NCAM1: variants seen among roughly 807,000 people sequenced by gnomAD.
The protein encoded by NCAM1 is antigen recognized by monoclonal antibody 5.1H11.
NCAM1 carries 14 observed loss-of-function variants against 109.8 expected under a neutral mutation model. The observed-to-expected ratio is 0.13, with a 90% CI of 0.08 to 0.20. The LOEUF is 0.20. NCAM1 is among the 10% of genes least tolerant of loss of function. NCAM1 has a pLI of 1.00. For synonymous variants in NCAM1, 418 were observed against 442.9 expected (o/e 0.94, Z 0.70); for missense variants, 774 against 1,109.9 (o/e 0.70, Z 4.30).
chr11:112,995,856 G>A (rs1199161820), intron 1 of NCAM1, among the ~76,000 whole-genome samples: 1 of 152,162 alleles, frequency 6.6e-6, no homozygotes, highest in Non-Finnish European at 1.5e-5. Flanking sequence ...GTCTGTTTCT[G>A]TTTGGCTAGT....
intron 1 of NCAM1, among the ~76,000 whole-genome samples, chr11:113,159,952 C>T (rs1455399009): frequency 1.3e-5 from 2 of 149,102 alleles, no homozygotes; most frequent in African/African-American, 5.0e-5. Flanking sequence ...TGATTTGTAA[C>T]ATATCATTAC....
intron 14 of NCAM1, among the ~76,000 whole-genome samples, chr11:113,236,732 C>T (rs1945179931): frequency 6.6e-6 from 1 of 152,118 alleles, no homozygotes; most frequent in South Asian, 2.1e-4. Context: ...ATTCAAAACA[C>T]CTTGAAAGGA....
At chr11:113,258,462 T>C (rs1945886748) in intron 16 of NCAM1, among the ~76,000 whole-genome samples, 1 of 152,166 alleles carries the variant, frequency 6.6e-6, no homozygotes, top group South Asian at 2.1e-4. Context: ...GTCCAACAGA[T>C]GTTTGCTGAG....
intron 1 of NCAM1, among the ~76,000 whole-genome samples, chr11:113,168,831 G>T (rs139502168): frequency 2.0e-5 from 3 of 152,208 alleles, no homozygotes; most frequent in Non-Finnish European, 4.4e-5. Context: ...AGCTTGTGTG[G>T]GGTTGGGGAG....
At chr11:112,970,216 G>A (rs1950840961) in intron 1 of NCAM1, among the ~76,000 whole-genome samples, 1 of 152,150 alleles carries the variant, frequency 6.6e-6, no homozygotes, top group African/African-American at 2.4e-5. Context: ...ATGTTTAAGA[G>A]GATAGTTAAC....
In NCAM1 at chr11:112,976,177, G is replaced by T. The variant is rs1005980405; in HGVS notation, c.52+14513G>T. 8.6e-5 allele frequency among the ~76,000 whole-genome samples: 13 copies of T among 151,962 alleles called. No individual in the cohort carries two copies. In the South Asian group the frequency reaches 2.7e-3, roughly 32 times the overall value. On this transcript the variant is annotated intron_variant, in intron 1 of 19. Transcript: ENST00000316851. The stretch of plus-strand genomic sequence containing the variant: ...TTAAGAAAACATAAATTATAAATAT[G>T]TGCAGTTATTTTAACAATTTATGAA...
intron 1 of NCAM1, among the ~76,000 whole-genome samples, chr11:113,201,742 A>G (rs1285290167): frequency 6.6e-6 from 1 of 152,208 alleles, no homozygotes; most frequent in Non-Finnish European, 1.5e-5. Flanking sequence ...AGGGTGTCTG[A>G]CTAATTGGGG....
chr11:113,156,663 C>T (rs185437896), intron 1 of NCAM1, among the ~76,000 whole-genome samples: 98 of 152,100 alleles, frequency 6.4e-4, no homozygotes, highest in Middle Eastern at 3.4e-3. Context: ...AGTAGAAAGA[C>T]GAGAATTTTT....
chr11:113,231,300 A>G (rs886347579), intron 9 of NCAM1: 125 of 1,534,750 alleles, frequency 8.1e-5, no homozygotes, highest in Non-Finnish European at 1.1e-4. Context: ...TGCTGCTGCA[A>G]TATCTGCTGG....
rs1555115253 is a variant in NCAM1 at position 113,221,282 on chromosome 11, C to T, written c.1060-14C>T. 1 of 1,558,058 alleles carries T rather than the reference C, an allele frequency of 6.4e-7. No homozygotes were observed. Among genetic ancestry groups the T allele is most frequent in the Admixed American group, 1.9e-5 (1 of 51,570 alleles). On this transcript the variant is annotated splice_polypyrimidine_tract_variant and intron_variant, in intron 8 of 19. Transcript: ENST00000316851. ...ACTGCTTTCTTGTTGTGTTTTATATCTTGTTTTCTCCAGGCTTCGTGGACT... is the reference window on the plus strand; with the variant it reads ...ACTGCTTTCTTGTTGTGTTTTATATTTTGTTTTCTCCAGGCTTCGTGGACT...
chr11:113,144,149 T>C (rs1273472732), intron 1 of NCAM1, among the ~76,000 whole-genome samples: 1 of 152,208 alleles, frequency 6.6e-6, no homozygotes, highest in African/African-American at 2.4e-5. Flanking sequence ...TGGTTTCTAA[T>C]CTGTAAATAA....
In NCAM1 at chr11:113,013,136, G is replaced by A. The variant is rs545875668; in HGVS notation, c.52+51472G>A. Among the ~76,000 whole-genome samples, 8 of 150,534 alleles carry A rather than the reference G, an allele frequency of 5.3e-5. No homozygotes were observed. In the East Asian group the frequency reaches 1.6e-3, roughly 30 times the overall value. ...TCATAATAAAAACATTTTTTAAGAA[G>A]CAAAAGAAGGCGGGGTGCAGAGGCT... On this transcript the variant is annotated intron_variant, in intron 1 of 19. Coordinates refer to ENST00000316851, the MANE Select transcript of NCAM1 (RefSeq NM_181351.5).
Position 112,961,432 on chromosome 11 carries a change from A to T in NCAM1, c.-181A>T. ...GGCTGGGACTGTCACTCATTCTCCG[A>T]TCAGCGCGTGAACGCAGCTCGGCTG... On this transcript the variant is annotated 5_prime_UTR_variant, in exon 1 of 20. Coordinates refer to ENST00000316851, the MANE Select transcript of NCAM1 (RefSeq NM_181351.5). 1 of 763,724 alleles carries T rather than the reference A, an allele frequency of 1.3e-6. No individual in the cohort carries two copies. Among genetic ancestry groups the T allele is most frequent in the East Asian group, 2.5e-5 (1 of 40,726 alleles). 47.3% of individuals were successfully genotyped at this position (763,724 alleles called of 1,614,324 possible).
In NCAM1 at chr11:113,278,433, G is replaced by A. The variant is rs1428817396; in HGVS notation, c.*3046G>A. On this transcript the variant is annotated 3_prime_UTR_variant, in exon 20 of 20. Transcript: ENST00000316851. ...GTTCAATAAAAATTGAAAGAAAAAAGCTATTATGATCATACTGGGGTTTAT... is the reference window on the plus strand; with the variant it reads ...GTTCAATAAAAATTGAAAGAAAAAAACTATTATGATCATACTGGGGTTTAT... 1 of 152,162 alleles carries A rather than the reference G, an allele frequency of 6.6e-6. No homozygotes were observed. The highest frequency in any genetic ancestry group is 2.4e-5 in the African/African-American group (1 of 41,434). 9.4% of individuals were successfully genotyped at this position (152,162 alleles called of 1,614,324 possible). A position where few individuals can be genotyped will look rare whatever the true frequency, so the allele number is the denominator to read the frequency against.
At chr11:113,041,823 A>G (rs1953086577) in intron 1 of NCAM1, among the ~76,000 whole-genome samples, 1 of 150,998 alleles carries the variant, frequency 6.6e-6, no homozygotes, top group Non-Finnish European at 1.5e-5. Context: ...AATCCTCCCC[A>G]CTCTTCCCCA....
chr11:113,224,872 C>T (rs1356644773), intron 9 of NCAM1, among the ~76,000 whole-genome samples: 1 of 152,214 alleles, frequency 6.6e-6, no homozygotes, highest in Non-Finnish European at 1.5e-5. Flanking sequence ...AGCTGAGGGT[C>T]CTGACTGTTA....
intron 11 of NCAM1, 123 bp from the exon 12 acceptor site, chr11:113,232,595 C>G (rs1555117505): frequency 1.1e-6 from 1 of 871,262 alleles, no homozygotes; most frequent in African/African-American, 1.7e-5. Flanking sequence ...TAAGGCTGGG[C>G]TGGAGCTAAT....
intron 1 of NCAM1, among the ~76,000 whole-genome samples, chr11:113,153,714 G>A (rs1279988440): frequency 6.6e-6 from 1 of 152,206 alleles, no homozygotes; most frequent in East Asian, 1.9e-4. Context: ...ATCTGGGAGT[G>A]TGTTTTGTGT....
intron 1 of NCAM1, among the ~76,000 whole-genome samples, chr11:113,002,392 T>G (rs1012631502): frequency 1.3e-5 from 2 of 152,224 alleles, no homozygotes; most frequent in African/African-American, 4.8e-5. Context: ...CTTATCAATG[T>G]TAGAAAATTA....
Sources: gnomAD v4.1 joint callset for allele counts (sites outside exome capture counted in the v4.1 genomes callset) on GRCh38, gnomAD v4.1.1 for gene constraint, MANE v1.5 for transcripts, NCBI Gene and HGNC (gene_info 2026-07-23, HGNC 2026-07-21) for gene names.